TENM3: variants seen among roughly 807,000 people sequenced by gnomAD.
TENM3 encodes teneurin-3.
A neutral mutation model predicts 255.1 loss-of-function variants in TENM3; 63 were observed. The observed-to-expected ratio is 0.25, with a 90% confidence interval of 0.20 to 0.30. TENM3 has a LOEUF of 0.30. Ranked by LOEUF, TENM3 falls within the 10% of genes least tolerant of loss-of-function variation. The pLI is 1.00. For missense variants in TENM3, 2,929 were observed against 3,461.1 expected (o/e 0.85, Z 3.86); for synonymous variants, 1,306 against 1,322.3 (o/e 0.99, Z 0.27).
chr4:182,793,972 A>G lies in TENM3; in HGVS notation c.7213+87A>G, dbSNP rs2152832138. On this transcript the variant is annotated intron_variant, in intron 26 of 27. Coordinates refer to ENST00000511685, the MANE Select transcript of TENM3 (RefSeq NM_001080477.4). This position sits in a 1 kb window ranked among gnomAD's most constrained non-coding sequence, Gnocchi z 5.7. ...ATAACTGGAAATGCTTTTTTAAAAA[A>G]CTTTATACTTTACTCAGGCAAAGGC... is the stretch of plus-strand genomic sequence containing the variant. 2 of 1,238,702 alleles carry G rather than the reference A, an allele frequency of 1.6e-6. No homozygotes were observed. Among genetic ancestry groups the G allele is most frequent in the East Asian group, 2.5e-5 (1 of 39,528 alleles). The allele number at this position is 1,238,702 out of a possible 1,614,324, so 76.7% of individuals were successfully genotyped here.
At chr4:182,402,129 T>C (rs1769251895) in intron 3 of TENM3, among the ~76,000 whole-genome samples, 3 of 152,184 alleles carry the variant, frequency 2.0e-5, no homozygotes, top group Admixed American at 2.0e-4. Flanking sequence ...GAAGGGCCAT[T>C]TGCTAATTTC....
chr4:182,780,664 G>A (rs1426617533), intron 24 of TENM3, among the ~76,000 whole-genome samples: 3 of 146,460 alleles, frequency 2.0e-5, no homozygotes, highest in South Asian at 2.2e-4. Flanking sequence ...CCATTTTCAC[G>A]ATATTGATTC....
chr4:181,863,110 T>G, the TENM3 span, among the ~76,000 whole-genome samples: 1 of 152,192 alleles, frequency 6.6e-6, no homozygotes, highest in African/African-American at 2.4e-5. Flanking sequence ...AAGTGCTACC[T>G]TAACCCTAAT....
chr4:182,084,681 C>A, the TENM3 span, among the ~76,000 whole-genome samples: 112 of 152,170 alleles, frequency 7.4e-4, no homozygotes, highest in East Asian at 0.018. Context: ...TAGATGCTGA[C>A]TATCATTAAA....
chr4:182,735,168 ATGTT>A (rs375461150), intron 16 of TENM3, among the ~76,000 whole-genome samples: 126 of 152,290 alleles, frequency 8.3e-4, no homozygotes, highest in African/African-American at 2.9e-3. Flanking sequence ...AAGTTTCTAT[ATGTT>A]TGTAAACTAT....
intron 12 of TENM3, among the ~76,000 whole-genome samples, chr4:182,712,647 A>C (rs1758837743): frequency 6.6e-6 from 1 of 152,166 alleles, no homozygotes; most frequent in Non-Finnish European, 1.5e-5. Flanking sequence ...AAGAGACAGA[A>C]TGTCTCTTGG....
At chr4:181,767,962 TTTAAA>T in the TENM3 span, among the ~76,000 whole-genome samples, 1 of 152,074 alleles carries the variant, frequency 6.6e-6, no homozygotes, top group Non-Finnish European at 1.5e-5. Flanking sequence ...GATTGCAAAA[TTTAAA>T]TTAATGCATA....
intron 3 of TENM3, among the ~76,000 whole-genome samples, chr4:182,572,785 A>G (rs1744527834): frequency 6.6e-6 from 1 of 152,208 alleles, no homozygotes. Context: ...GTACCAACTC[A>G]TATTCATTGT....
At chr4:181,566,363 A>G in the TENM3 span, among the ~76,000 whole-genome samples, 1 of 152,224 alleles carries the variant, frequency 6.6e-6, no homozygotes, top group African/African-American at 2.4e-5. Flanking sequence ...ACCTTTGCCA[A>G]TGAACTCAAT....
chr4:182,282,895 A>C (rs530029305), intron 1 of TENM3, among the ~76,000 whole-genome samples: 1 of 85,298 alleles, frequency 1.2e-5, no homozygotes. Context: ...TCCATTTCAG[A>C]AAAAAAAAAA....
chr4:182,177,561 TG>T (rs1325596210), intron 1 of TENM3, among the ~76,000 whole-genome samples: 3 of 151,128 alleles, frequency 2.0e-5, no homozygotes, highest in Non-Finnish European at 2.9e-5. Context: ...ATTATTGAAA[TG>T]AAAAAAAATT....
chr4:182,261,815 C>T (rs1244250544), intron 1 of TENM3, among the ~76,000 whole-genome samples: 1 of 152,208 alleles, frequency 6.6e-6, no homozygotes, highest in East Asian at 1.9e-4. Flanking sequence ...GTCGTCTATG[C>T]AGTCAAATCA....
At chr4:182,748,549 C>G (rs1305689739) in intron 19 of TENM3, among the ~76,000 whole-genome samples, 2 of 152,186 alleles carry the variant, frequency 1.3e-5, no homozygotes, top group Non-Finnish European at 2.9e-5. Context: ...ATTAGGTGAC[C>G]TTGAATCCCA....
the TENM3 span, among the ~76,000 whole-genome samples, chr4:181,602,302 G>C: frequency 2.6e-5 from 4 of 152,162 alleles, no homozygotes; most frequent in African/African-American, 9.7e-5. Context: ...AGCAAGCTTT[G>C]TCCTCACTAT....
chr4:182,268,246 A>C (rs1283635183), intron 1 of TENM3, among the ~76,000 whole-genome samples: 1 of 152,226 alleles, frequency 6.6e-6, no homozygotes, highest in East Asian at 1.9e-4. Context: ...TTAAACACTT[A>C]TTAATCTTCC....
At chr4:182,718,101 G>T (rs1759355868) in intron 13 of TENM3, among the ~76,000 whole-genome samples, 1 of 151,978 alleles carries the variant, frequency 6.6e-6, no homozygotes, top group African/African-American at 2.4e-5. Flanking sequence ...CTTTTTGAAG[G>T]TTCTACTTGA....
At chr4:182,194,435 C>A (rs1357983032) in intron 1 of TENM3, among the ~76,000 whole-genome samples, 1 of 152,196 alleles carries the variant, frequency 6.6e-6, no homozygotes, top group Non-Finnish European at 1.5e-5. Context: ...ATTGATGTAT[C>A]TTTTGAGAAA....
intron 1 of TENM3, among the ~76,000 whole-genome samples, chr4:182,297,311 T>C (rs1450625608): frequency 6.6e-6 from 1 of 152,224 alleles, no homozygotes; most frequent in African/African-American, 2.4e-5. Flanking sequence ...CAGTAGAATA[T>C]TGGCAGTTTC....
the TENM3 span, among the ~76,000 whole-genome samples, chr4:182,015,934 A>T: frequency 0.63 from 96,275 of 152,050 alleles, 32,625 homozygotes; most frequent in Middle Eastern, 0.76. Context: ...AAACACAGGG[A>T]TTGTTCTTTA....
Sources: allele counts gnomAD v4.1 joint callset (sites outside exome capture counted in the v4.1 genomes callset), GRCh38; gene constraint gnomAD v4.1.1; non-coding constraint Gnocchi (gnomAD v3.1); transcripts MANE v1.5; gene names NCBI Gene and HGNC (gene_info 2026-07-23, HGNC 2026-07-21).